Variants in ELMO1 observed in about 807,000 individuals in gnomAD.
ELMO1 encodes the protein engulfment and cell motility 1, also known as engulfment and cell motility protein 1.
In ELMO1, 26 loss-of-function variants were observed where a neutral mutation model predicts 98.9. That is an observed-to-expected ratio of 0.26 (90% CI 0.19 to 0.36). The LOEUF (loss-of-function observed/expected upper bound fraction) is 0.36. ELMO1 is among the 10% of genes least tolerant of loss of function. The probability of loss-of-function intolerance (pLI) is 1.00; values close to 1 mark genes in which losing one functional copy is unlikely to be tolerated. For synonymous variants in ELMO1, 346 were observed against 346.0 expected, an observed-to-expected ratio of 1.00 and a Z score of 0.00; for missense variants, 627 against 935.2, an observed-to-expected ratio of 0.67 and a Z score of 4.30.
At chr7:37,231,561 C>CA (rs1265545960) in intron 8 of ELMO1, among the ~76,000 whole-genome samples, 4 of 152,208 alleles carry the variant, frequency 2.6e-5, no homozygotes, top group Admixed American at 6.5e-5. Context: ...GAACATTATA[C>CA]AAAATAACTG....
chr7:36,918,192 C>A (rs1784857836), intron 16 of ELMO1, among the ~76,000 whole-genome samples: 1 of 152,044 alleles, frequency 6.6e-6, no homozygotes, highest in African/African-American at 2.4e-5. Context: ...AAGCTATGAA[C>A]TGAGCAGTAT....
At chr7:37,061,809 T>C (rs1008942400) in intron 15 of ELMO1, among the ~76,000 whole-genome samples, 9 of 152,296 alleles carry the variant, frequency 5.9e-5, no homozygotes, top group South Asian at 2.1e-4. Context: ...GACTCCGATA[T>C]TTAGATTAAT....
intron 6 of ELMO1, among the ~76,000 whole-genome samples, chr7:37,250,016 C>A (rs1795253319): frequency 6.6e-6 from 1 of 152,098 alleles, no homozygotes; most frequent in East Asian, 1.9e-4. Context: ...GAGGTCAAGG[C>A]TGCAGTGAGC....
chr7:37,374,393 T>C (rs992611431), intron 1 of ELMO1, among the ~76,000 whole-genome samples: 3 of 152,168 alleles, frequency 2.0e-5, no homozygotes, highest in Non-Finnish European at 4.4e-5. Flanking sequence ...AAAACCTATA[T>C]ATGCTATAAC....
chr7:37,033,988 T>C (rs1795033352), intron 15 of ELMO1, among the ~76,000 whole-genome samples: 2 of 152,258 alleles, frequency 1.3e-5, no homozygotes, highest in Admixed American at 6.5e-5. Context: ...TGGACTTACT[T>C]ACATTGTATT....
At chr7:37,269,299 C>A (rs1466264511) in intron 5 of ELMO1, among the ~76,000 whole-genome samples, 17 of 152,160 alleles carry the variant, frequency 1.1e-4, no homozygotes, top group Admixed American at 1.0e-3. Flanking sequence ...GGCCTATTCC[C>A]AAATATTGTA....
At chr7:37,374,738 G>A (rs932738188) in intron 1 of ELMO1, among the ~76,000 whole-genome samples, 11 of 148,202 alleles carry the variant, frequency 7.4e-5, no homozygotes, top group Middle Eastern at 3.9e-3. Flanking sequence ...GCAACAGAGC[G>A]AGACTCCATC....
intron 15 of ELMO1, among the ~76,000 whole-genome samples, chr7:37,023,100 A>T (rs1257017885): frequency 4.6e-5 from 7 of 152,206 alleles, no homozygotes; most frequent in African/African-American, 1.7e-4. Context: ...TTCTTTTGGA[A>T]GAGAGAAGAA....
intron 18 of ELMO1, among the ~76,000 whole-genome samples, chr7:36,886,862 T>C (rs1278978454): frequency 2.6e-5 from 4 of 152,262 alleles, no homozygotes; most frequent in Non-Finnish European, 5.9e-5. Context: ...TGAGAAATTA[T>C]GTAAGTGATG....
intron 1 of ELMO1, among the ~76,000 whole-genome samples, chr7:37,426,142 C>CTTTTTTTTTTTTTTTT (rs36086006): frequency 1.3e-4 from 11 of 84,582 alleles, no homozygotes; most frequent in Non-Finnish European, 2.0e-4. Flanking sequence ...TTTTTTCTTT[C>CTTTTTTTTTTTTTTTT]TTTTTTTTTT....
chr7:37,297,151 A>C (rs1232353353), intron 4 of ELMO1, among the ~76,000 whole-genome samples: 1 of 152,140 alleles, frequency 6.6e-6, no homozygotes, highest in African/African-American at 2.4e-5. Context: ...CTGGCATCTT[A>C]ATAATAATAA....
At chr7:37,333,367 T>A (rs1464580713) in intron 2 of ELMO1, among the ~76,000 whole-genome samples, 1 of 152,166 alleles carries the variant, frequency 6.6e-6, no homozygotes, top group Non-Finnish European at 1.5e-5. Context: ...TAAGAAAACA[T>A]AGTTAATACA....
chr7:37,171,077 G>C (rs1790121324), intron 13 of ELMO1, among the ~76,000 whole-genome samples: 1 of 152,160 alleles, frequency 6.6e-6, no homozygotes. Flanking sequence ...TGATTCAGAA[G>C]ACTTAAACTT....
chr7:37,161,298 C>G (rs1193191884), intron 13 of ELMO1, among the ~76,000 whole-genome samples: 1 of 152,204 alleles, frequency 6.6e-6, no homozygotes, highest in Non-Finnish European at 1.5e-5. Context: ...GGCTTTCTCA[C>G]TGGCTCCAGG....
chr7:37,259,272 C>T lies in ELMO1; in HGVS notation c.322G>A (p.Ala108Thr), dbSNP rs763625702. 10 of 1,613,828 alleles carry T rather than the reference C, an allele frequency of 6.2e-6. No individual in the cohort carries two copies. The highest frequency in any genetic ancestry group is 7.6e-6 in the Non-Finnish European group (9 of 1,179,986). The change falls in exon 6 of 22, where the codon GCC becomes ACC. Residue 108 changes from alanine to threonine, a missense_variant. Physicochemically the swap from Ala to Thr is moderately conservative, Grantham distance 58. Transcript: ENST00000310758. ...AACGTGACATCCCGGGAGAGGCTGG[C>T]CAAGTCCTTCAGGGCTTCCAGCTTG... The part of the protein sequence containing the change: ...DAKLEALKDL[A>T]SLSRDVTFAQ...
rs540963097 is a variant in ELMO1 at position 37,349,579 on chromosome 7, G to A, written c.-73-6816C>T. 4.6e-5 allele frequency among the ~76,000 whole-genome samples: 7 copies of A among 152,230 alleles called. No individual in the cohort carries two copies. In the East Asian group the frequency reaches 7.7e-4, roughly 17 times the overall value. ...AGTGATTCTCCTGCCTCAGCCTCCCGAGTAGTTGGGATTACAAGCAGGCAC... is the reference window on the plus strand; with the variant it reads ...AGTGATTCTCCTGCCTCAGCCTCCCAAGTAGTTGGGATTACAAGCAGGCAC... On this transcript the variant is annotated intron_variant, in intron 1 of 21. Transcript: ENST00000310758.
chr7:37,205,216 T>A (rs932128438), intron 13 of ELMO1, among the ~76,000 whole-genome samples: 1 of 152,230 alleles, frequency 6.6e-6, no homozygotes, highest in Non-Finnish European at 1.5e-5. Flanking sequence ...AGTAGACTCT[T>A]CTTATTTGCA....
chr7:37,109,240 C>A (rs1410126090), intron 14 of ELMO1, among the ~76,000 whole-genome samples: 1 of 152,240 alleles, frequency 6.6e-6, no homozygotes, highest in African/African-American at 2.4e-5. Context: ...CCAAAGCCCA[C>A]ACTTCAAAGG....
At chr7:37,016,453 A>G (rs1793937487) in intron 15 of ELMO1, among the ~76,000 whole-genome samples, 1 of 152,192 alleles carries the variant, frequency 6.6e-6, no homozygotes, top group Admixed American at 6.5e-5. Context: ...ACCCACAGTC[A>G]GCTGACCCAG....
Sources: allele counts gnomAD v4.1 joint callset (sites outside exome capture counted in the v4.1 genomes callset), GRCh38; gene constraint gnomAD v4.1.1; transcripts MANE v1.5; gene names NCBI Gene and HGNC (gene_info 2026-07-23, HGNC 2026-07-21).